Variants in ST3GAL3 observed in about 807,000 individuals in gnomAD.
ST3GAL3 encodes ST3 beta-galactoside alpha-2,3-sialyltransferase 3.
A neutral mutation model predicts 50.1 loss-of-function variants in ST3GAL3; 21 were observed. The observed-to-expected ratio is 0.42, with a 90% confidence interval of 0.30 to 0.60. The LOEUF (loss-of-function observed/expected upper bound fraction) is 0.60, where lower values mean the gene tolerates loss of function less well. Ranked by LOEUF, ST3GAL3 falls within the 20% of genes least tolerant of loss-of-function variation. The pLI is 0.19. For synonymous variants in ST3GAL3, 183 were observed against 190.0 expected (o/e 0.96, Z 0.30); for missense variants, 353 against 489.4 (o/e 0.72, Z 2.63).
At chr1:43,863,820 G>A (rs1474954258) in intron 5 of ST3GAL3, among the ~76,000 whole-genome samples, 1 of 152,180 alleles carries the variant, frequency 6.6e-6, no homozygotes. Flanking sequence ...AGAAGAGCAT[G>A]CTTGCATCAG....
At chr1:43,805,936 G>A (rs376250575) in intron 3 of ST3GAL3, among the ~76,000 whole-genome samples, 63 of 152,182 alleles carry the variant, frequency 4.1e-4, no homozygotes, top group Non-Finnish European at 7.6e-4. Context: ...GGGTTTCACC[G>A]TGTTGGTCAG....
intron 3 of ST3GAL3, among the ~76,000 whole-genome samples, chr1:43,805,951 G>T (rs967481851): frequency 6.6e-6 from 1 of 152,130 alleles, no homozygotes; most frequent in Non-Finnish European, 1.5e-5. Context: ...GGTCAGGCTG[G>T]TCTTTAACTC....
chr1:43,858,192 G>C, intron 5 of ST3GAL3: 1 of 1,289,432 alleles, frequency 7.8e-7, no homozygotes, highest in Non-Finnish European at 1.0e-6. Context: ...TGCTCCGCCA[G>C]AGGTGAAGAC....
Position 43,863,750 on chromosome 1 carries a change from C to T in ST3GAL3, c.302+25439C>T, listed in dbSNP as rs549584210. On this transcript the variant is annotated intron_variant, in intron 5 of 11. Coordinates refer to ENST00000347631, the MANE Select transcript of ST3GAL3 (RefSeq NM_006279.5). The stretch of plus-strand genomic sequence containing the variant: ...CCAGTCTGGCAGAGAGTGTCCTCAG[C>T]GTGTGGGAGAAGCCTCCTCCTCCTC... Among the ~76,000 whole-genome samples the T allele has an allele frequency of 3.3e-5, 5 of 152,206 alleles. No homozygotes were observed. The South Asian group carries it at 6.2e-4, about 19-fold the overall frequency.
Position 43,920,199 on chromosome 1 carries a change from C to T in ST3GAL3, c.745-205C>T, listed in dbSNP as rs76675625. 8.9e-4 allele frequency: 564 copies of T among 633,168 alleles called. 1 individual carries two copies. Among genetic ancestry groups the T allele is most frequent in the African/African-American group, 7.7e-3 (429 of 55,372 alleles). 39.2% of individuals were successfully genotyped at this position (633,168 alleles called of 1,614,324 possible). The stretch of plus-strand genomic sequence containing the variant: ...TGTTACACACTGGAGCCCCACCACA[C>T]GCTCTCTTCACCATCATTCCCCTTG... On this transcript the variant is annotated intron_variant, in intron 9 of 11. Transcript: ENST00000347631.
chr1:43,719,572 C>T (rs189711831), intron 1 of ST3GAL3, among the ~76,000 whole-genome samples: 2 of 149,532 alleles, frequency 1.3e-5, no homozygotes, highest in East Asian at 2.0e-4. Context: ...GGCCGAGGCA[C>T]GAGAATTGCT....
At position 43,899,877 on chromosome 1, in the gene ST3GAL3, A is replaced by AG; in HGVS notation, c.744+155dup. On this transcript the variant is annotated intron_variant, in intron 9 of 11. Coordinates refer to ENST00000347631, the MANE Select transcript of ST3GAL3 (RefSeq NM_006279.5). The surrounding 1 kb of genome is among the most constrained non-coding windows in gnomAD (Gnocchi z 5.4). ...AAGCCGAAATCACCCAATGGCAACCAGGGGGCAAAGAGGTCAGGAGATTGC... is the reference window on the plus strand; with the variant it reads ...AAGCCGAAATCACCCAATGGCAACCAGGGGGGCAAAGAGGTCAGGAGATTGC... 2.4e-6 allele frequency: 2 copies of AG among 840,880 alleles called. No individual in the cohort carries two copies. The highest frequency in any genetic ancestry group is 3.9e-6 in the Non-Finnish European group (2 of 511,710). 52.1% of individuals were successfully genotyped at this position (840,880 alleles called of 1,614,324 possible). A position where few individuals can be genotyped will look rare whatever the true frequency, so the allele number is the denominator to read the frequency against.
chr1:43,817,632 C>CCTT (rs1558438585), intron 4 of ST3GAL3, among the ~76,000 whole-genome samples: 44 of 126,682 alleles, frequency 3.5e-4, no homozygotes, highest in African/African-American at 1.3e-3. Flanking sequence ...CCTCCCTTCT[C>CCTT]CTCCTCCTTC....
At chr1:43,801,321 C>T (rs1181805165) in intron 3 of ST3GAL3, 4 of 456,150 alleles carry the variant, frequency 8.8e-6, no homozygotes, top group South Asian at 6.2e-5. Flanking sequence ...TGGTTCATTA[C>T]AATGAAAAAA....
At chr1:43,829,568 A>G (rs1327432821) in intron 4 of ST3GAL3, among the ~76,000 whole-genome samples, 1 of 152,252 alleles carries the variant, frequency 6.6e-6, no homozygotes, top group Admixed American at 6.5e-5. Flanking sequence ...CAGCAAGACC[A>G]TGCTGTGGTC....
intron 1 of ST3GAL3, among the ~76,000 whole-genome samples, chr1:43,716,316 G>T (rs527325804): frequency 6.6e-6 from 1 of 152,144 alleles, no homozygotes; most frequent in Non-Finnish European, 1.5e-5. Flanking sequence ...TTTTGTAGAA[G>T]AAAATTATGT....
chr1:43,819,736 G>A (rs1299075131), intron 4 of ST3GAL3, among the ~76,000 whole-genome samples: 1 of 152,142 alleles, frequency 6.6e-6, no homozygotes, highest in African/African-American at 2.4e-5. Flanking sequence ...CCCAGGTAGT[G>A]AGCATAGTAC....
At chr1:43,878,999 A>T in intron 5 of ST3GAL3, 1 of 455,980 alleles carries the variant, frequency 2.2e-6, no homozygotes, top group Middle Eastern at 3.3e-4. Context: ...ACAGGAAGCA[A>T]TGCACAAAGA....
rs572823329 is a variant in ST3GAL3 at position 43,726,878 on chromosome 1, G to C, written c.-30-9355G>C. On this transcript the variant is annotated intron_variant, in intron 1 of 11. Transcript: ENST00000347631. Reference sequence around the variant, plus strand: ...CAAAGTGCTGGGATTACAGGTGTAAGCCATTGTTTCTGGCCCTGTATCCCA... The same window carrying C: ...CAAAGTGCTGGGATTACAGGTGTAACCCATTGTTTCTGGCCCTGTATCCCA... Among the ~76,000 whole-genome samples the C allele has an allele frequency of 2.6e-5, 4 of 152,306 alleles. No homozygotes were observed. The South Asian group carries it at 8.3e-4, about 32-fold the overall frequency.
intron 9 of ST3GAL3, chr1:43,914,083 A>T (rs1281173146): frequency 1.3e-5 from 2 of 152,238 alleles, no homozygotes; most frequent in Non-Finnish European, 2.9e-5. Flanking sequence ...ATGAGAAGAG[A>T]CGTGGCAGCT....
chr1:43,766,136 C>A (rs3791046), intron 2 of ST3GAL3, among the ~76,000 whole-genome samples: 52,952 of 151,948 alleles, frequency 0.35, 10,004 homozygotes, highest in African/African-American at 0.5. Context: ...GCTCCTTGCC[C>A]GGATTCACAT....
intron 9 of ST3GAL3, chr1:43,914,273 C>A (rs1222228472): frequency 6.6e-6 from 1 of 152,228 alleles, no homozygotes; most frequent in African/African-American, 2.4e-5. Context: ...CAGATTCTCA[C>A]CAGCTGTGCG....
intron 1 of ST3GAL3, among the ~76,000 whole-genome samples, chr1:43,733,687 T>C (rs868663785): frequency 3.9e-5 from 6 of 152,344 alleles, no homozygotes; most frequent in Admixed American, 6.5e-5. Context: ...TTGGCCCTTC[T>C]TGGGCCTGAA....
At chr1:43,896,865 C>T (rs569782196) in intron 6 of ST3GAL3, 1 of 152,152 alleles carries the variant, frequency 6.6e-6, no homozygotes, top group Non-Finnish European at 1.5e-5. Context: ...ATTTTCACTA[C>T]ATATTTATAT....
Sources: gnomAD v4.1 joint callset for allele counts (sites outside exome capture counted in the v4.1 genomes callset) on GRCh38, gnomAD v4.1.1 for gene constraint, Gnocchi (gnomAD v3.1) non-coding constraint, MANE v1.5 for transcripts, NCBI Gene and HGNC (gene_info 2026-07-23, HGNC 2026-07-21) for gene names.